The following ZNF569 variants were observed in gnomAD, a reference collection of about 807,000 sequenced individuals.
The protein encoded by ZNF569 is zinc finger protein 569.
In ZNF569, 38 loss-of-function variants were observed where a neutral mutation model predicts 56.3. That is an observed-to-expected ratio of 0.68 (90% CI 0.52 to 0.88). ZNF569 has a LOEUF of 0.88. Among genes scored for constraint, ZNF569 ranks in the 40% least tolerant of loss-of-function variants. The probability of loss-of-function intolerance (pLI) is 0.00; values close to 1 mark genes in which losing one functional copy is unlikely to be tolerated. For synonymous variants in ZNF569, 241 were observed against 262.9 expected (o/e 0.92, Z 0.81); for missense variants, 666 against 809.2 (o/e 0.82, Z 2.15).
rs1310010105 is a variant in ZNF569, at chr19:37,419,965, CTTTCTTTTT to C, written c.239-5555_239-5547del. Among the ~76,000 whole-genome samples, 5 of 109,484 alleles carry C rather than the reference CTTTCTTTTT, an allele frequency of 4.6e-5. 1 individual carries two copies. Among genetic ancestry groups the C allele is most frequent in the Middle Eastern group, 5.0e-3 (1 of 200 alleles). The allele number at this position is 109,484 out of a possible 152,430, so 71.8% of individuals were successfully genotyped here. On this transcript the variant is annotated intron_variant, in intron 5 of 5. Transcript: ENST00000316950. ...GCTGTAGCAATTTCTTTTTTCTTTT[CTTTCTTTTT>C]TTTTTTTTTTTTTTTTGAGACAGAG... is the stretch of plus-strand genomic sequence containing the variant.
rs1600283161 is a variant in ZNF569 at position 37,412,858 on chromosome 19, A to G, written c.1800T>C (p.His600=). 1 of 1,614,036 alleles carries G rather than the reference A, an allele frequency of 6.2e-7. No homozygotes were observed. The highest frequency in any genetic ancestry group is 8.5e-7 in the Non-Finnish European group (1 of 1,179,964). The part of the protein sequence containing the change: ...RTSLIVHMRG[H]TGEKPYECNK... ...TACATTCATAGGGTTTTTCACCTGTATGGCCTCTCATGTGCACAATAAGGG... is the reference window on the plus strand; with the variant it reads ...TACATTCATAGGGTTTTTCACCTGTGTGGCCTCTCATGTGCACAATAAGGG... The change falls in exon 6 of 6, where the codon CAT becomes CAC. Residue 600 remains histidine, a synonymous_variant. Transcript: ENST00000316950.
At chr19:37,441,540 C>T (rs1019633907) in intron 3 of ZNF569, among the ~76,000 whole-genome samples, 1 of 151,926 alleles carries the variant, frequency 6.6e-6, no homozygotes, top group Non-Finnish European at 1.5e-5. Context: ...CGTGCCTGTA[C>T]TCCCAGCTAC....
At chr19:37,438,679 T>C (rs898778638) in intron 3 of ZNF569, among the ~76,000 whole-genome samples, 1 of 152,144 alleles carries the variant, frequency 6.6e-6, no homozygotes, top group Non-Finnish European at 1.5e-5. Context: ...TTCTCTAGGA[T>C]AATGGACTGG....
At chr19:37,454,454 C>T (rs1421977313) in intron 2 of ZNF569, among the ~76,000 whole-genome samples, 1 of 152,158 alleles carries the variant, frequency 6.6e-6, no homozygotes, top group East Asian at 1.9e-4. Flanking sequence ...GCTCTGCCAG[C>T]TGTAGTGCTA....
intron 3 of ZNF569, among the ~76,000 whole-genome samples, chr19:37,436,415 A>T (rs567491803): frequency 1.3e-5 from 2 of 152,168 alleles, no homozygotes; most frequent in South Asian, 2.1e-4. Context: ...CAATTTAATG[A>T]TGCATCTTAA....
At chr19:37,425,768 A>G in intron 5 of ZNF569, 100 bp downstream of exon 5, 1 of 1,056,114 alleles carries the variant, frequency 9.5e-7, no homozygotes, top group Non-Finnish European at 1.4e-6. Context: ...CCAACCTCTG[A>G]AAATATCTTT....
intron 2 of ZNF569, among the ~76,000 whole-genome samples, chr19:37,458,263 T>C (rs1472482078): frequency 2.0e-5 from 3 of 152,236 alleles, no homozygotes; most frequent in African/African-American, 7.2e-5. Context: ...ACATGAGTAT[T>C]ACCTTAAATT....
At chr19:37,451,324 C>T (rs1000911410) in intron 2 of ZNF569, among the ~76,000 whole-genome samples, 1 of 149,820 alleles carries the variant, frequency 6.7e-6, no homozygotes, top group African/African-American at 2.5e-5. Flanking sequence ...CACTTGAACC[C>T]GGGAGGCGGA....
intron 5 of ZNF569, among the ~76,000 whole-genome samples, chr19:37,421,387 T>G (rs944405406): frequency 1.3e-5 from 2 of 152,250 alleles, no homozygotes; most frequent in African/African-American, 2.4e-5. Context: ...GGAACGCTAT[T>G]GTTTAGTTAG....
chr19:37,451,687 C>A (rs987124240), intron 2 of ZNF569, among the ~76,000 whole-genome samples: 2 of 152,022 alleles, frequency 1.3e-5, no homozygotes, highest in Non-Finnish European at 2.9e-5. Flanking sequence ...ATAAAATGTC[C>A]TTCCTTGTCT....
intron 5 of ZNF569, among the ~76,000 whole-genome samples, chr19:37,419,464 G>A (rs2040992257): frequency 6.6e-6 from 1 of 152,140 alleles, no homozygotes; most frequent in Non-Finnish European, 1.5e-5. Flanking sequence ...GCTCACGACT[G>A]TAATCCCAGC....
chr19:37,421,741 C>CA (rs2041039092), intron 5 of ZNF569, among the ~76,000 whole-genome samples: 1 of 138,906 alleles, frequency 7.2e-6, no homozygotes, highest in Admixed American at 7.4e-5. Flanking sequence ...ACTGTAGTGG[C>CA]ACTTTTTTTT....
rs1020651972 is a variant in ZNF569, at chr19:37,412,432, A to C, written c.*165T>G. ...TCTGGTAACAGCTTTTTCATTATAT[A>C]ATTTGTCACCTTGGAAGAATTCTCT... On this transcript the variant is annotated 3_prime_UTR_variant, in exon 6 of 6. Transcript: ENST00000316950. 34 of 1,235,890 alleles carry C rather than the reference A, an allele frequency of 2.8e-5. No homozygotes were observed. The highest frequency in any genetic ancestry group is 3.5e-5 in the Admixed American group (1 of 28,472). The allele number at this position is 1,235,890 out of a possible 1,614,324, so 76.6% of individuals were successfully genotyped here.
At chr19:37,423,535 T>C (rs2041072498) in intron 5 of ZNF569, among the ~76,000 whole-genome samples, 1 of 152,236 alleles carries the variant, frequency 6.6e-6, no homozygotes, top group East Asian at 1.9e-4. Context: ...AAAATTGTGA[T>C]AATCTCCTAT....
At chr19:37,434,454 C>T (rs1461661868) in intron 3 of ZNF569, among the ~76,000 whole-genome samples, 2 of 151,976 alleles carry the variant, frequency 1.3e-5, no homozygotes, top group Non-Finnish European at 2.9e-5. Context: ...CTTGGGAGGC[C>T]GAGGCGGGCA....
At chr19:37,438,925 T>C (rs188333049) in intron 3 of ZNF569, among the ~76,000 whole-genome samples, 35 of 152,152 alleles carry the variant, frequency 2.3e-4, no homozygotes, top group Non-Finnish European at 3.5e-4. Context: ...AATAACTTGA[T>C]TTAAAAAGGG....
chr19:37,425,624 T>G, intron 5 of ZNF569: 1 of 277,378 alleles, frequency 3.6e-6, no homozygotes, highest in Non-Finnish European at 6.8e-6. Context: ...CCAGGCCCAA[T>G]TTTTCTTTTC....
intron 5 of ZNF569, among the ~76,000 whole-genome samples, chr19:37,419,854 T>TA (rs2041000180): frequency 1.3e-5 from 2 of 152,058 alleles, no homozygotes; most frequent in Admixed American, 1.3e-4. Flanking sequence ...CAGTGAGTCA[T>TA]AATCTTTTTG....
rs2040875538 is a variant in ZNF569 at position 37,413,508 on chromosome 19, A to T, written c.1150T>A (p.Cys384Ser). The stretch of plus-strand genomic sequence containing the variant: ...GAGAAGGCTTTTCCACACTCATTAC[A>T]TTCATAGGGTTTTTCACCTGTATGA... ...RIHTGEKPYECNECGKAFSQS... is the reference protein window; with the variant it reads ...RIHTGEKPYESNECGKAFSQS... The change falls in exon 6 of 6, where the codon TGT (cysteine) becomes AGT (serine). Residue 384 changes from cysteine (C) to serine (S), a missense_variant. Coordinates refer to ENST00000316950, the MANE Select transcript of ZNF569 (RefSeq NM_152484.3). 1 of 1,613,314 alleles carries T rather than the reference A, an allele frequency of 6.2e-7. No individual in the cohort carries two copies. The highest frequency in any genetic ancestry group is 1.1e-5 in the South Asian group (1 of 91,006).
Sources: gnomAD v4.1 joint callset for allele counts (sites outside exome capture counted in the v4.1 genomes callset) on GRCh38, gnomAD v4.1.1 for gene constraint, MANE v1.5 for transcripts, NCBI Gene and HGNC (gene_info 2026-07-23, HGNC 2026-07-21) for gene names.